The following RARB variants were observed in gnomAD, a reference collection of about 807,000 sequenced individuals.
The protein encoded by RARB is HBV-activated protein.
RARB carries 17 observed loss-of-function variants against 51.9 expected under a neutral mutation model. The ratio of observed to expected loss-of-function variants is 0.33; its 90% CI spans 0.22 to 0.49. The LOEUF (loss-of-function observed/expected upper bound fraction) is 0.49, where lower values mean the gene tolerates loss of function less well. Among genes scored for constraint, RARB ranks in the 20% least tolerant of loss-of-function variants. The pLI is 0.99. For missense variants in RARB, 369 were observed against 550.8 expected (o/e 0.67, Z 3.30); for synonymous variants, 215 against 195.4 (o/e 1.10, Z -0.84).
At chr3:25,340,369 A>T (rs1395522006) in intron 5 of RARB, among the ~76,000 whole-genome samples, 4 of 152,192 alleles carry the variant, frequency 2.6e-5, no homozygotes, top group Admixed American at 2.6e-4. Context: ...AGGACTAGAT[A>T]TAACCATCCC....
intron 5 of RARB, among the ~76,000 whole-genome samples, chr3:25,382,169 C>A (rs1706648282): frequency 6.6e-6 from 1 of 152,130 alleles, no homozygotes; most frequent in Admixed American, 6.5e-5. Flanking sequence ...CACATTAAAA[C>A]AAAGAGATGT....
intron 5 of RARB, among the ~76,000 whole-genome samples, chr3:25,317,743 A>G (rs1174560810): frequency 1.3e-5 from 2 of 152,198 alleles, no homozygotes; most frequent in Non-Finnish European, 2.9e-5. Flanking sequence ...TCATTAATTG[A>G]TAAGAATTTA....
chr3:24,866,539 G>A (rs984699151), intron 2 of RARB, among the ~76,000 whole-genome samples: 1 of 152,096 alleles, frequency 6.6e-6, no homozygotes, highest in African/African-American at 2.4e-5. Context: ...CTTCGTGGGG[G>A]GAATGGGAAA....
At chr3:25,023,702 T>C (rs775394347) in intron 2 of RARB, among the ~76,000 whole-genome samples, 25 of 152,178 alleles carry the variant, frequency 1.6e-4, no homozygotes, top group Admixed American at 3.9e-4. Context: ...TGTTTGTATG[T>C]GAGACAGCTA....
At chr3:24,971,988 T>C (rs1017696677) in intron 2 of RARB, among the ~76,000 whole-genome samples, 12 of 79,354 alleles carry the variant, frequency 1.5e-4, no homozygotes, top group Non-Finnish European at 3.1e-4. Flanking sequence ...ATATTTATTT[T>C]TCTTTAGGAA....
At chr3:25,208,155 A>G (rs554798782) in intron 5 of RARB, among the ~76,000 whole-genome samples, 7 of 152,282 alleles carry the variant, frequency 4.6e-5, no homozygotes, top group South Asian at 2.1e-4. Context: ...ACATGATCCA[A>G]TCACCTTTCG....
intron 3 of RARB, among the ~76,000 whole-genome samples, chr3:25,548,374 A>G (rs1414756079): frequency 2.0e-5 from 3 of 152,148 alleles, no homozygotes; most frequent in Admixed American, 2.0e-4. Flanking sequence ...AATCAGAATA[A>G]TCTAATTTTC....
At chr3:25,123,426 G>C (rs1316253896) in intron 3 of RARB, among the ~76,000 whole-genome samples, 1 of 152,158 alleles carries the variant, frequency 6.6e-6, no homozygotes, top group Non-Finnish European at 1.5e-5. Flanking sequence ...CCTTGTGCCA[G>C]TAACTACACC....
chr3:25,390,377 G>A (rs763228533), intron 5 of RARB, among the ~76,000 whole-genome samples: 6 of 152,084 alleles, frequency 3.9e-5, no homozygotes, highest in African/African-American at 7.2e-5. Context: ...AGTCCTCACC[G>A]GACACTGGAT....
chr3:25,379,201 C>A (rs1706555167), intron 5 of RARB, among the ~76,000 whole-genome samples: 1 of 152,104 alleles, frequency 6.6e-6, no homozygotes, highest in Non-Finnish European at 1.5e-5. Context: ...GTAGCTGCCA[C>A]AGAGATGAAA....
At chr3:25,201,561 GT>G (rs1319622028) in intron 5 of RARB, among the ~76,000 whole-genome samples, 4 of 152,168 alleles carry the variant, frequency 2.6e-5, no homozygotes, top group Non-Finnish European at 5.9e-5. Flanking sequence ...GATATTGGCT[GT>G]GGGTTTGTCA....
intron 5 of RARB, among the ~76,000 whole-genome samples, chr3:25,323,428 C>T (rs1462258432): frequency 6.6e-6 from 1 of 152,144 alleles, no homozygotes; most frequent in Non-Finnish European, 1.5e-5. Flanking sequence ...TCCATTTGTG[C>T]CCTAACATTC....
intron 3 of RARB, among the ~76,000 whole-genome samples, chr3:25,071,212 T>C (rs1698759918): frequency 6.6e-6 from 1 of 152,214 alleles, no homozygotes; most frequent in Admixed American, 6.5e-5. Flanking sequence ...TCAATAAATA[T>C]TTATGGAATG....
At chr3:25,266,321 AATTATGATTAT>A (rs760445867) in intron 5 of RARB, among the ~76,000 whole-genome samples, 9 of 152,084 alleles carry the variant, frequency 5.9e-5, no homozygotes, top group Non-Finnish European at 1.2e-4. Flanking sequence ...TTAAATTTAA[AATTATGATTAT>A]ACTATGCAGG....
intron 2 of RARB, among the ~76,000 whole-genome samples, chr3:24,890,977 A>C (rs190751488): frequency 6.6e-6 from 1 of 152,304 alleles, no homozygotes; most frequent in African/African-American, 2.4e-5. Flanking sequence ...ATAGACACCC[A>C]TTAGCAGCCT....
chr3:25,429,305 G>T (rs1708108717), intron 1 of RARB, among the ~76,000 whole-genome samples: 1 of 152,144 alleles, frequency 6.6e-6, no homozygotes, highest in Non-Finnish European at 1.5e-5. Context: ...GCTACTAGTT[G>T]TATAGGTCCC....
At chr3:25,559,257 T>C (rs992400193) in intron 3 of RARB, among the ~76,000 whole-genome samples, 1 of 152,198 alleles carries the variant, frequency 6.6e-6, no homozygotes, top group Non-Finnish European at 1.5e-5. Flanking sequence ...ATGGAGAAGA[T>C]ACTGGACTGT....
chr3:25,490,621 A>G (rs73822907), intron 2 of RARB, among the ~76,000 whole-genome samples: 10,892 of 152,188 alleles, frequency 0.072, 420 homozygotes, highest in Non-Finnish European at 0.083. Context: ...TTGGGTCCAG[A>G]TGAGATTTAG....
At chr3:25,529,260 A>G (rs1183992916) in intron 3 of RARB, among the ~76,000 whole-genome samples, 1 of 152,132 alleles carries the variant, frequency 6.6e-6, no homozygotes, top group Non-Finnish European at 1.5e-5. Flanking sequence ...CATCTAGTAT[A>G]TACATATACA....
Sources: gnomAD v4.1 joint callset for allele counts (sites outside exome capture counted in the v4.1 genomes callset) on GRCh38, gnomAD v4.1.1 for gene constraint, MANE v1.5 for transcripts, NCBI Gene and HGNC (gene_info 2026-07-23, HGNC 2026-07-21) for gene names.